MYH7: variants seen among roughly 807,000 people sequenced by gnomAD.
MYH7 encodes myosin-7.
A neutral mutation model predicts 225.4 loss-of-function variants in MYH7; 129 were observed. That is an observed-to-expected ratio of 0.57 (90% CI 0.50 to 0.66). MYH7 has a LOEUF of 0.66. MYH7 is among the 30% of genes least tolerant of loss of function. The probability of loss-of-function intolerance (pLI) is 0.00; values close to 1 mark genes in which losing one functional copy is unlikely to be tolerated. For synonymous variants in MYH7, 971 were observed against 1,007.6 expected (o/e 0.96, Z 0.69); for missense variants, 1,649 against 2,517.0 (o/e 0.66, Z 7.38).
rs986690221 is a variant in MYH7, at chr14:23,428,758, C to T, written c.1408-88G>A. The T allele has an allele frequency of 2.5e-6, 4 of 1,602,606 alleles. No homozygotes were observed. The African/African-American group carries it at 5.4e-5, about 21-fold the overall frequency. Reference sequence around the variant, plus strand: ...GCCCGTCCACTGTGCCTGAGCCCAGCAGGGCGTGGCTGGTCCCCTCCATGT... The same window carrying T: ...GCCCGTCCACTGTGCCTGAGCCCAGTAGGGCGTGGCTGGTCCCCTCCATGT... On this transcript the variant is annotated intron_variant, in intron 14 of 39. Coordinates refer to ENST00000355349, the MANE Select transcript of MYH7 (RefSeq NM_000257.4).
intron 30 of MYH7, 89 bp from the exon 31 acceptor site, chr14:23,417,775 C>A: frequency 6.6e-7 from 1 of 1,513,926 alleles, no homozygotes; most frequent in South Asian, 1.2e-5. Context: ...CAAAGACAAT[C>A]CTTGAAACCT....
intron 9 of MYH7, 23 bp downstream of exon 9, chr14:23,431,395 C>T (rs796384457): frequency 1.2e-6 from 2 of 1,611,836 alleles, no homozygotes; most frequent in Non-Finnish European, 1.7e-6. Flanking sequence ...TTAGGCTGAG[C>T]CTAGCAGATT....
chr14:23,423,854 G>T, intron 23 of MYH7, 53 bp downstream of exon 23: 1 of 1,613,620 alleles, frequency 6.2e-7, no homozygotes, highest in Non-Finnish European at 8.5e-7. Flanking sequence ...AGGTCAGTAT[G>T]GTCTGAGAGT....
chr14:23,430,530 C>CA, intron 11 of MYH7, 30 bp downstream of exon 11: 2 of 1,571,948 alleles, frequency 1.3e-6, no homozygotes, highest in African/African-American at 2.7e-5. Context: ...CCAATCCTCC[C>CA]ACCCCCTGGC....
At chr14:23,414,719 G>A (rs1284968757) in intron 37 of MYH7, among the ~76,000 whole-genome samples, 1 of 152,126 alleles carries the variant, frequency 6.6e-6, no homozygotes, top group African/African-American at 2.4e-5. Flanking sequence ...TTTCTGGTGA[G>A]CTGTACTGGG....
In MYH7 at chr14:23,426,005, T is replaced by C. The variant is rs1294596631; in HGVS notation, c.2121A>G (p.Lys707=). The change falls in exon 19 of 40, where the codon AAA becomes AAG. Residue 707 remains lysine, a synonymous_variant. Coordinates refer to ENST00000355349, the MANE Select transcript of MYH7 (RefSeq NM_000257.4). ...GVLEGIRICR[K]GFPNRILYGD... is the part of the protein sequence containing the mutation. ...CGTAGAGGATGCGGTTGGGGAAGCC[T>C]TTCCTGCAGATGCGGATGCCCTCCA... The C allele has an allele frequency of 1.5e-5, 24 of 1,614,048 alleles. No individual in the cohort carries two copies. Among genetic ancestry groups the C allele is most frequent in the African/African-American group, 4.0e-5 (3 of 74,926 alleles).
At chr14:23,419,124 G>T in intron 29 of MYH7, 53 bp downstream of exon 29, 1 of 1,470,766 alleles carries the variant, frequency 6.8e-7, no homozygotes. Context: ...TTTGATGCAA[G>T]GCTAGTCAGT....
At chr14:23,423,027 C>T (rs1257783407) in intron 24 of MYH7, among the ~76,000 whole-genome samples, 1 of 152,222 alleles carries the variant, frequency 6.6e-6, no homozygotes, top group Non-Finnish European at 1.5e-5. Flanking sequence ...AAGTTCCTAT[C>T]TAAAGGAAGC....
intron 22 of MYH7, 49 bp from the exon 23 acceptor site, chr14:23,424,198 T>C (rs781662196): frequency 6.2e-7 from 1 of 1,611,626 alleles, no homozygotes; most frequent in Non-Finnish European, 8.5e-7. Context: ...AAGGTCCTCA[T>C]TCTTGCAGGT....
chr14:23,424,105 C>T lies in MYH7; in HGVS notation c.2724G>A (p.Leu908=), dbSNP rs1335308512. 1 of 1,614,216 alleles carries T rather than the reference C, an allele frequency of 6.2e-7. No individual in the cohort carries two copies. Among genetic ancestry groups the T allele is most frequent in the Non-Finnish European group, 8.5e-7 (1 of 1,180,046 alleles). ...CCTCCAGCTGAATCTTGTTTTTGAT[C>T]AGCTGATCACAGCGCTCCTCAGCAT... ...LADAEERCDQ[L]IKNKIQLEAK... is the part of the protein sequence containing the mutation. Residue 908 remains leucine (L), a synonymous_variant, in exon 23 of 40, where the codon CTG becomes CTA. Coordinates refer to ENST00000355349, the MANE Select transcript of MYH7 (RefSeq NM_000257.4).
In MYH7 at chr14:23,430,969, T is replaced by C. The variant is rs1415025206; in HGVS notation, c.827A>G (p.Gln276Arg). ...GTGATAATCTCTCTCTGCTTTCAGCTGGAAAATAACTCTGGATTTTTCCAG... is the reference window on the plus strand; with the variant it reads ...GTGATAATCTCTCTCTGCTTTCAGCCGGAAAATAACTCTGGATTTTTCCAG... ...YLLEKSRVIFQLKAERDYHIF... is the reference protein window; with the variant it reads ...YLLEKSRVIFRLKAERDYHIF... Residue 276 changes from glutamine to arginine, a missense_variant, in exon 10 of 40, where the codon CAG (glutamine) becomes CGG (arginine). By Grantham distance (43) the Gln-to-Arg change is conservative. Coordinates refer to ENST00000355349, the MANE Select transcript of MYH7 (RefSeq NM_000257.4). 6.2e-7 allele frequency: 1 copy of C among 1,613,872 alleles called. No homozygotes were observed. Among genetic ancestry groups the C allele is most frequent in the South Asian group, 1.1e-5 (1 of 91,074 alleles).
chr14:23,426,099 T>C lies in MYH7; in HGVS notation c.2045-18A>G, dbSNP rs765316785. On this transcript the variant is annotated intron_variant, in intron 18 of 39. Transcript: ENST00000355349. Reference sequence around the variant, plus strand: ...CATCACCCCTGTGGCAAGAAGGAAGTAGGAGGAGTCTGTGAGAACACTGGA... The same window carrying C: ...CATCACCCCTGTGGCAAGAAGGAAGCAGGAGGAGTCTGTGAGAACACTGGA... 1 of 1,613,812 alleles carries C rather than the reference T, an allele frequency of 6.2e-7. No homozygotes were observed. The highest frequency in any genetic ancestry group is 8.5e-7 in the Non-Finnish European group (1 of 1,179,822).
At chr14:23,419,658 T>A (rs1470420812) in intron 27 of MYH7, 49 bp from the exon 28 acceptor site, 8 of 1,608,896 alleles carry the variant, frequency 5.0e-6, no homozygotes, top group Non-Finnish European at 6.8e-6. Context: ...GCGGGGGGAA[T>A]GAAGGGGTGT....
In MYH7 at chr14:23,415,338, A is replaced by G; in HGVS notation, c.5283+43T>C. 2.5e-6 allele frequency: 4 copies of G among 1,614,206 alleles called. No homozygotes were observed. Among genetic ancestry groups the G allele is most frequent in the Non-Finnish European group, 3.4e-6 (4 of 1,180,038 alleles). On this transcript the variant is annotated intron_variant, in intron 36 of 39. Transcript: ENST00000355349. This position sits in a 1 kb window ranked among gnomAD's most constrained non-coding sequence, Gnocchi z 6.3. ...CACACACTTGCTGCCCAGCCCACGG[A>G]GAGACACTGGTCTGGATCGGGTCGG...
chr14:23,434,272 G>A, intron 1 of MYH7, 23 bp from the exon 2 acceptor site: 1 of 1,000,636 alleles, frequency 1.0e-6, no homozygotes. Flanking sequence ...AAGAGGCTGT[G>A]TCAGGGCAGG....
chr14:23,425,701 G>A lies in MYH7; in HGVS notation c.2280C>T (p.His760=), dbSNP rs1892666788. ...DIDHNQYKFG[H]TKVFFKAGLL... The stretch of plus-strand genomic sequence containing the variant: ...ATTAGTCTCCTTTCCTCACCTTGGT[G>A]TGGCCAAACTTGTACTGGTTGTGAT... The change falls in exon 20 of 40, where the codon CAC becomes CAT. Residue 760 remains histidine (H), a synonymous_variant. Transcript: ENST00000355349. This position sits in a 1 kb window ranked among gnomAD's most constrained non-coding sequence, Gnocchi z 4.6. The A allele has an allele frequency of 1.2e-6, 2 of 1,614,018 alleles. No homozygotes were observed. Among genetic ancestry groups the A allele is most frequent in the East Asian group, 4.5e-5 (2 of 44,888 alleles).
In MYH7 at chr14:23,415,663, T is replaced by C; in HGVS notation, c.5123A>G (p.Glu1708Gly). 6.2e-7 allele frequency: 1 copy of C among 1,614,020 alleles called. No individual in the cohort carries two copies. The highest frequency in any genetic ancestry group is 8.5e-7 in the Non-Finnish European group (1 of 1,180,032). The change falls in exon 35 of 40, where the codon GAG becomes GGG. Residue 1708 changes from glutamate (E) to glycine (G), a missense_variant. Transcript: ENST00000355349. This position sits in a 1 kb window ranked among gnomAD's most constrained non-coding sequence, Gnocchi z 6.3. ...CAGCAGCTGCACCCGCTCACTAGTC[T>C]CAATCAGCTCCTGCTCCGCCAGCTT... ...SRKLAEQELI[E>G]TSERVQLLHS...
At chr14:23,429,569 G>C (rs1304685000) in intron 12 of MYH7, among the ~76,000 whole-genome samples, 12 of 151,874 alleles carry the variant, frequency 7.9e-5, no homozygotes, top group Admixed American at 7.9e-4. Context: ...CCAGCTACTC[G>C]GGAGGCTGAG....
rs2138651429 is a variant in MYH7, at chr14:23,419,249, C to T, written c.3900G>A (p.Gln1300=). The change falls in exon 29 of 40, where the codon CAG becomes CAA. Residue 1300 remains glutamine, a synonymous_variant. Transcript: ENST00000355349. ...QLDEKEALIS[Q]LTRGKLTYTQ... is the part of the protein sequence containing the mutation. ...TGTAGGTGAGCTTGCCTCGGGTCAG[C>T]TGGGAGATCAGTGCCTCCTTCTCAT... The T allele has an allele frequency of 1.2e-6, 2 of 1,614,154 alleles. No homozygotes were observed. Among genetic ancestry groups the T allele is most frequent in the Non-Finnish European group, 1.7e-6 (2 of 1,180,028 alleles).
Sources: allele counts gnomAD v4.1 joint callset (sites outside exome capture counted in the v4.1 genomes callset), GRCh38; gene constraint gnomAD v4.1.1; non-coding constraint Gnocchi (gnomAD v3.1); transcripts MANE v1.5; gene names NCBI Gene and HGNC (gene_info 2026-07-23, HGNC 2026-07-21).